APBA1: variants seen among roughly 807,000 people sequenced by gnomAD.
APBA1 encodes amyloid-beta A4 precursor protein-binding family A member 1.
Under a neutral mutation model 86.6 loss-of-function variants are expected in APBA1, and 55 were observed. The ratio of observed to expected loss-of-function variants is 0.64; its 90% CI spans 0.51 to 0.80. The LOEUF (loss-of-function observed/expected upper bound fraction) is 0.80, where lower values mean the gene tolerates loss of function less well. APBA1 is among the 30% of genes least tolerant of loss of function. The pLI is 0.00. For synonymous variants in APBA1, 511 were observed against 493.9 expected, an observed-to-expected ratio of 1.03 and a Z score of -0.46; for missense variants, 1,090 against 1,183.0, an observed-to-expected ratio of 0.92 and a Z score of 1.15.
intron 1 of APBA1, among the ~76,000 whole-genome samples, chr9:69,538,374 T>C (rs1836547316): frequency 6.6e-6 from 1 of 152,212 alleles, no homozygotes; most frequent in Admixed American, 6.5e-5. Flanking sequence ...GGAAAATCTG[T>C]GCTGATTTTC....
At chr9:69,440,514 T>C (rs2133793033) in intron 11 of APBA1, among the ~76,000 whole-genome samples, 1 of 152,238 alleles carries the variant, frequency 6.6e-6, no homozygotes. Flanking sequence ...CGCTGCCACC[T>C]TGCAGTTTGA....
intron 10 of APBA1, among the ~76,000 whole-genome samples, chr9:69,443,193 C>T (rs1375607133): frequency 1.3e-5 from 2 of 152,204 alleles, no homozygotes; most frequent in Non-Finnish European, 1.5e-5. Context: ...TCTACCCAAG[C>T]CCCACTGAAT....
chr9:69,615,092 C>T (rs927577689), intron 1 of APBA1, among the ~76,000 whole-genome samples: 8 of 152,076 alleles, frequency 5.3e-5, no homozygotes, highest in South Asian at 2.1e-4. Flanking sequence ...CCCAGCTACT[C>T]GGGAGGCTGA....
intron 10 of APBA1, among the ~76,000 whole-genome samples, chr9:69,445,941 C>T (rs1588287903): frequency 6.6e-6 from 1 of 152,168 alleles, no homozygotes; most frequent in African/African-American, 2.4e-5. Context: ...TGAATCAGAC[C>T]TGCATTCTAA....
At chr9:69,524,332 T>G (rs1836309475) in intron 1 of APBA1, among the ~76,000 whole-genome samples, 2 of 151,974 alleles carry the variant, frequency 1.3e-5, no homozygotes, top group Non-Finnish European at 2.9e-5. Context: ...ATTAATAGAC[T>G]GCTACCTAGG....
chr9:69,550,285 A>G (rs868302815), intron 1 of APBA1, among the ~76,000 whole-genome samples: 4 of 152,226 alleles, frequency 2.6e-5, no homozygotes, highest in Non-Finnish European at 4.4e-5. Flanking sequence ...ATTTCTTTCC[A>G]TGATATAAAC....
chr9:69,447,297 A>G (rs3793607), intron 10 of APBA1, among the ~76,000 whole-genome samples: 1 of 151,606 alleles, frequency 6.6e-6, no homozygotes, highest in Middle Eastern at 3.2e-3. Flanking sequence ...CTCCTCCCCA[A>G]CCCTTCTAGA....
intron 5 of APBA1, among the ~76,000 whole-genome samples, chr9:69,466,840 A>G (rs1835287937): frequency 6.6e-6 from 1 of 152,226 alleles, no homozygotes. Context: ...TGAAATATGG[A>G]ATGGCTCCTT....
chr9:69,617,694 T>C (rs1822730518), intron 1 of APBA1, among the ~76,000 whole-genome samples: 2 of 152,168 alleles, frequency 1.3e-5, no homozygotes, highest in South Asian at 4.1e-4. Context: ...ATTCCTACTG[T>C]TCAGCCAGAC....
chr9:69,636,681 C>G (rs1430242581), intron 1 of APBA1, among the ~76,000 whole-genome samples: 2 of 151,280 alleles, frequency 1.3e-5, no homozygotes, highest in East Asian at 3.9e-4. Flanking sequence ...GTAGTCCCAA[C>G]TACCTGGGAG....
rs74762610 is a variant in APBA1, at chr9:69,521,703, T to C, written c.-69-4424A>G. Among the ~76,000 whole-genome samples the C allele has an allele frequency of 7.4e-3, 1,133 of 152,268 alleles. 11 individuals carry two copies. Among genetic ancestry groups the C allele is most frequent in the African/African-American group, 0.025 (1,055 of 41,566 alleles). On this transcript the variant is annotated intron_variant, in intron 1 of 12. Transcript: ENST00000265381. ...GATATTATTCAAAGAATGAGATATT[T>C]GAGTTGAGGTCTGAATAATCAAGAA...
chr9:69,564,297 G>A (rs1836992365), intron 1 of APBA1, among the ~76,000 whole-genome samples: 1 of 152,122 alleles, frequency 6.6e-6, no homozygotes, highest in Non-Finnish European at 1.5e-5. Flanking sequence ...CCTTTCAAGA[G>A]CTTTATGAAT....
At chr9:69,540,929 T>C (rs1029190888) in intron 1 of APBA1, among the ~76,000 whole-genome samples, 1 of 152,218 alleles carries the variant, frequency 6.6e-6, no homozygotes, top group African/African-American at 2.4e-5. Context: ...ATTCCCCATA[T>C]AGGTGAAATC....
chr9:69,642,004 C>T (rs7873435), intron 1 of APBA1, among the ~76,000 whole-genome samples: 2,277 of 152,274 alleles, frequency 0.015, 56 homozygotes, highest in African/African-American at 0.052. Flanking sequence ...CGCCACCACA[C>T]CTGGCTAATT....
intron 1 of APBA1, among the ~76,000 whole-genome samples, chr9:69,528,985 G>A (rs1588343244): frequency 6.6e-6 from 1 of 151,852 alleles, no homozygotes; most frequent in Non-Finnish European, 1.5e-5. Flanking sequence ...AGATTATTTG[G>A]CTCATTAAAA....
intron 10 of APBA1, among the ~76,000 whole-genome samples, chr9:69,448,567 C>T (rs1834950293): frequency 6.6e-6 from 1 of 152,084 alleles, no homozygotes; most frequent in South Asian, 2.1e-4. Flanking sequence ...GTGTCCTATA[C>T]ACTCACCTTC....
chr9:69,583,253 A>G (rs937260986), intron 1 of APBA1, among the ~76,000 whole-genome samples: 3 of 152,094 alleles, frequency 2.0e-5, no homozygotes, highest in East Asian at 3.9e-4. Flanking sequence ...GTCCACCACC[A>G]CTGTTGGTTA....
chr9:69,645,586 C>T (rs1018927788), intron 1 of APBA1, among the ~76,000 whole-genome samples: 16 of 152,180 alleles, frequency 1.1e-4, no homozygotes, highest in Admixed American at 1.0e-3. Context: ...GAGAAGTGAG[C>T]TCTGCCAACC....
At chr9:69,671,040 G>A (rs1461973828) in intron 1 of APBA1, among the ~76,000 whole-genome samples, 1 of 151,906 alleles carries the variant, frequency 6.6e-6, no homozygotes, top group Non-Finnish European at 1.5e-5. Flanking sequence ...CCGCCCCACC[G>A]CATCTCTCTA....
Sources: allele counts gnomAD v4.1 joint callset (sites outside exome capture counted in the v4.1 genomes callset), GRCh38; gene constraint gnomAD v4.1.1; transcripts MANE v1.5; gene names NCBI Gene and HGNC (gene_info 2026-07-23, HGNC 2026-07-21).